The following AGMO variants were observed in gnomAD, a reference collection of about 807,000 sequenced individuals.
The protein encoded by AGMO is glyceryl-ether monooxygenase.
AGMO carries 75 observed loss-of-function variants against 60.2 expected under a neutral mutation model. The observed-to-expected ratio is 1.25, with a 90% CI of 1.03 to 1.51. The LOEUF is 1.51. Among genes scored for constraint, AGMO ranks in the 40% most tolerant of loss-of-function variants. The pLI is 0.00. For synonymous variants in AGMO, 261 were observed against 177.1 expected (o/e 1.47, Z -3.76); for missense variants, 763 against 525.5 (o/e 1.45, Z -4.42).
At chr7:15,344,293 G>T (rs921352995) in intron 12 of AGMO, among the ~76,000 whole-genome samples, 1 of 152,114 alleles carries the variant, frequency 6.6e-6, no homozygotes, top group African/African-American at 2.4e-5. Flanking sequence ...TCTCCAAAAA[G>T]CTAAAGCAAC....
At chr7:15,528,408 C>T (rs1178930718) in intron 3 of AGMO, among the ~76,000 whole-genome samples, 1 of 152,004 alleles carries the variant, frequency 6.6e-6, no homozygotes, top group African/African-American at 2.4e-5. Flanking sequence ...CTTCAAAGTA[C>T]ACTTGTGTTA....
intron 12 of AGMO, among the ~76,000 whole-genome samples, chr7:15,247,248 A>C (rs1347186613): frequency 1.3e-5 from 2 of 151,994 alleles, no homozygotes; most frequent in African/African-American, 2.4e-5. Flanking sequence ...AAAAAAATGC[A>C]AATAATTATA....
intron 2 of AGMO, among the ~76,000 whole-genome samples, chr7:15,549,486 T>G (rs1418957869): frequency 6.6e-6 from 1 of 151,190 alleles, no homozygotes. Context: ...ACCAAGCAAA[T>G]GGAAAACAAA....
At chr7:15,392,047 G>A (rs1042875916) in intron 6 of AGMO, among the ~76,000 whole-genome samples, 2 of 152,018 alleles carry the variant, frequency 1.3e-5, no homozygotes, top group African/African-American at 4.8e-5. Flanking sequence ...TGTTCTTCTC[G>A]ACTTCCTATA....
rs1030011405 is a variant in AGMO at position 15,477,311 on chromosome 7, A to T, written c.410-46203T>A. Among the ~76,000 whole-genome samples the T allele has an allele frequency of 1.4e-4, 21 of 152,248 alleles. No homozygotes were observed. The East Asian group carries it at 3.9e-3, about 28-fold the overall frequency. On this transcript the variant is annotated intron_variant, in intron 3 of 12. Transcript: ENST00000342526. ...GTGGTTAGATGTCACTGAAACAGTT[A>T]ACTAAAATGGGTTATAAAATATGTC...
intron 3 of AGMO, among the ~76,000 whole-genome samples, chr7:15,508,392 G>C (rs1367767125): frequency 6.6e-6 from 1 of 152,094 alleles, no homozygotes; most frequent in East Asian, 1.9e-4. Context: ...TGATTCTTTA[G>C]AAAATCGGAG....
At chr7:15,389,733 A>C (rs1784061412) in intron 8 of AGMO, among the ~76,000 whole-genome samples, 1 of 152,204 alleles carries the variant, frequency 6.6e-6, no homozygotes, top group Admixed American at 6.5e-5. Context: ...TCAATTATTT[A>C]AATTCTGAGA....
intron 12 of AGMO, among the ~76,000 whole-genome samples, chr7:15,327,642 T>A (rs79709029): frequency 0.02 from 3,076 of 150,958 alleles, 122 homozygotes; most frequent in African/African-American, 0.072. Context: ...AATGGGAGAC[T>A]ATATAGGAAG....
At chr7:15,366,091 T>G in intron 11 of AGMO, 49 bp downstream of exon 11, 1 of 1,416,738 alleles carries the variant, frequency 7.1e-7, no homozygotes, top group Non-Finnish European at 9.8e-7. Flanking sequence ...CTGTGGAAAA[T>G]TCTTGAATTG....
intron 12 of AGMO, among the ~76,000 whole-genome samples, chr7:15,229,695 T>A (rs1206508812): frequency 7.0e-6 from 1 of 142,090 alleles, no homozygotes; most frequent in African/African-American, 2.7e-5. Context: ...TATATATAAC[T>A]AATTATTTAT....
At chr7:15,514,774 T>C (rs1195520741) in intron 3 of AGMO, among the ~76,000 whole-genome samples, 1 of 152,208 alleles carries the variant, frequency 6.6e-6, no homozygotes, top group African/African-American at 2.4e-5. Context: ...CAGCATCTCT[T>C]CCTCTTGTCT....
chr7:15,154,656 G>A, the AGMO span, among the ~76,000 whole-genome samples: 3 of 152,166 alleles, frequency 2.0e-5, no homozygotes, highest in Non-Finnish European at 2.9e-5. Context: ...GCTGTTAGCT[G>A]GTTGTTATAT....
chr7:15,369,384 C>G (rs1036191441), intron 10 of AGMO, among the ~76,000 whole-genome samples: 1 of 152,098 alleles, frequency 6.6e-6, no homozygotes, highest in Non-Finnish European at 1.5e-5. Flanking sequence ...AGCCCAAATA[C>G]GCCATACCCC....
At chr7:15,136,511 A>G in the AGMO span, among the ~76,000 whole-genome samples, 1 of 151,928 alleles carries the variant, frequency 6.6e-6, no homozygotes, top group Non-Finnish European at 1.5e-5. Context: ...TTTTAAAAGG[A>G]GCATTTACAT....
chr7:15,400,428 A>G (rs754636771), intron 5 of AGMO, among the ~76,000 whole-genome samples: 3 of 152,098 alleles, frequency 2.0e-5, no homozygotes, highest in Non-Finnish European at 4.4e-5. Flanking sequence ...TCTGGTACAA[A>G]ATGTCAATAG....
chr7:15,426,183 G>T (rs1781056232), intron 4 of AGMO, among the ~76,000 whole-genome samples: 1 of 152,074 alleles, frequency 6.6e-6, no homozygotes, highest in Non-Finnish European at 1.5e-5. Flanking sequence ...ACATTGGCCT[G>T]ACTCTAGTTA....
At chr7:15,554,812 A>G (rs1386401920) in intron 2 of AGMO, among the ~76,000 whole-genome samples, 1 of 152,040 alleles carries the variant, frequency 6.6e-6, no homozygotes, top group Non-Finnish European at 1.5e-5. Context: ...TTAGAAACTA[A>G]TTAGTTTTCA....
At chr7:15,148,587 T>G in the AGMO span, among the ~76,000 whole-genome samples, 1 of 152,164 alleles carries the variant, frequency 6.6e-6, no homozygotes, top group Non-Finnish European at 1.5e-5. Context: ...CATGCACTAT[T>G]TGGTTTTCTG....
At chr7:15,414,467 G>GAC (rs1324259744) in intron 5 of AGMO, among the ~76,000 whole-genome samples, 1 of 141,028 alleles carries the variant, frequency 7.1e-6, no homozygotes, top group African/African-American at 2.6e-5. Context: ...CCCTAGAATA[G>GAC]ACACACATAC....
Sources: gnomAD v4.1 joint callset for allele counts (sites outside exome capture counted in the v4.1 genomes callset) on GRCh38, gnomAD v4.1.1 for gene constraint, MANE v1.5 for transcripts, NCBI Gene and HGNC (gene_info 2026-07-23, HGNC 2026-07-21) for gene names.